ADGRL3: variants seen among roughly 807,000 people sequenced by gnomAD.
ADGRL3 encodes calcium-independent alpha-latrotoxin receptor 3.
In ADGRL3, 62 loss-of-function variants were observed where a neutral mutation model predicts 153.5. The observed-to-expected ratio is 0.40, with a 90% CI of 0.33 to 0.50. ADGRL3 has a LOEUF of 0.50. Among genes scored for constraint, ADGRL3 ranks in the 20% least tolerant of loss-of-function variants. The probability of loss-of-function intolerance (pLI) is 0.47; values close to 1 mark genes in which losing one functional copy is unlikely to be tolerated. For missense variants in ADGRL3, 1,641 were observed against 1,859.4 expected (o/e 0.88, Z 2.16); for synonymous variants, 710 against 672.5 (o/e 1.06, Z -0.86).
chr4:61,451,941 G>A (rs942967926), intron 2 of ADGRL3, among the ~76,000 whole-genome samples: 4 of 152,156 alleles, frequency 2.6e-5, no homozygotes, highest in African/African-American at 9.7e-5. Flanking sequence ...CATTTGTTAT[G>A]TATTGAACTT....
intron 2 of ADGRL3, among the ~76,000 whole-genome samples, chr4:61,437,016 T>G (rs2152445625): frequency 6.6e-6 from 1 of 152,304 alleles, no homozygotes; most frequent in East Asian, 1.9e-4. Flanking sequence ...AACTTTATTT[T>G]TATAATGCAT....
intron 2 of ADGRL3, among the ~76,000 whole-genome samples, chr4:61,384,598 A>G (rs2096714218): frequency 6.6e-6 from 1 of 151,974 alleles, no homozygotes; most frequent in African/African-American, 2.4e-5. Flanking sequence ...GGTTTCTTCA[A>G]TATAAAATTA....
chr4:61,864,901 G>A (rs1345265302), intron 9 of ADGRL3, among the ~76,000 whole-genome samples: 3 of 152,162 alleles, frequency 2.0e-5, no homozygotes, highest in Non-Finnish European at 4.4e-5. Context: ...AGCATAGAAT[G>A]TAATGTTTCA....
chr4:61,505,966 G>C (rs893362620), intron 3 of ADGRL3, among the ~76,000 whole-genome samples: 3 of 152,052 alleles, frequency 2.0e-5, no homozygotes, highest in African/African-American at 7.2e-5. Context: ...CCATATTTAG[G>C]AAGCATTGCT....
intron 2 of ADGRL3, among the ~76,000 whole-genome samples, chr4:61,430,330 G>T (rs550129045): frequency 6.6e-6 from 1 of 152,242 alleles, no homozygotes; most frequent in African/African-American, 2.4e-5. Flanking sequence ...TCATTCAGAA[G>T]GACACATTGA....
chr4:61,708,685 A>G (rs1263479268), intron 6 of ADGRL3, among the ~76,000 whole-genome samples: 1 of 152,172 alleles, frequency 6.6e-6, no homozygotes, highest in Non-Finnish European at 1.5e-5. Flanking sequence ...AACAATAAAA[A>G]ATTCAAAGAA....
chr4:61,667,118 G>A (rs1012739610), intron 5 of ADGRL3, among the ~76,000 whole-genome samples: 1 of 152,038 alleles, frequency 6.6e-6, no homozygotes, highest in Non-Finnish European at 1.5e-5. Context: ...TTTTTGGAAT[G>A]GGCTCTGTGA....
At chr4:61,940,044 A>G (rs2098876910) in intron 15 of ADGRL3, among the ~76,000 whole-genome samples, 1 of 135,340 alleles carries the variant, frequency 7.4e-6, no homozygotes, top group South Asian at 2.7e-4. Context: ...TGTGTCATCT[A>G]GCATTAGGTA....
At chr4:61,529,546 A>C (rs1409144232) in intron 4 of ADGRL3, among the ~76,000 whole-genome samples, 2 of 152,124 alleles carry the variant, frequency 1.3e-5, no homozygotes, top group Non-Finnish European at 2.9e-5. Flanking sequence ...CTACTTACAA[A>C]ACTATGTAAA....
chr4:61,236,986 G>A lies in ADGRL3; in HGVS notation c.-240+35221G>A, dbSNP rs186984199. 2.6e-4 allele frequency among the ~76,000 whole-genome samples: 39 copies of A among 152,062 alleles called. 1 individual carries two copies. The East Asian group carries it at 5.2e-3, about 20-fold the overall frequency. ...TCTTTTGCTCTGCATATGAATTCAC[G>A]TATAATGTTTACTCATTTATTTTTC... On this transcript the variant is annotated intron_variant, in intron 1 of 26. Transcript: ENST00000683033.
chr4:61,812,301 AC>A (rs1403985462), intron 8 of ADGRL3, among the ~76,000 whole-genome samples: 3 of 152,220 alleles, frequency 2.0e-5, no homozygotes, highest in African/African-American at 7.2e-5. Context: ...CAGTCTCTCC[AC>A]TGTCTCTGCT....
chr4:61,886,339 GT>G (rs1049287759), intron 9 of ADGRL3, among the ~76,000 whole-genome samples: 5 of 152,118 alleles, frequency 3.3e-5, no homozygotes, highest in Non-Finnish European at 7.4e-5. Context: ...TATGGTTTCA[GT>G]TTTCTTATTT....
intron 2 of ADGRL3, among the ~76,000 whole-genome samples, chr4:61,445,517 G>A (rs991586): frequency 0.93 from 141,803 of 152,216 alleles, 66,900 homozygotes; most frequent in East Asian, 1. Context: ...CCTTGAGAGA[G>A]ATAGTGTTGA....
intron 19 of ADGRL3, among the ~76,000 whole-genome samples, chr4:61,991,497 A>G (rs2099103486): frequency 6.6e-6 from 1 of 152,132 alleles, no homozygotes; most frequent in Non-Finnish European, 1.5e-5. Context: ...TTTAAAAAAT[A>G]TAACATGTTG....
chr4:61,319,129 A>G (rs1028453197), intron 1 of ADGRL3, among the ~76,000 whole-genome samples: 2 of 152,178 alleles, frequency 1.3e-5, no homozygotes, highest in African/African-American at 4.8e-5. Flanking sequence ...TGTACACTGA[A>G]ATAGTGCCTT....
At chr4:61,641,926 C>T (rs1580019021) in intron 5 of ADGRL3, among the ~76,000 whole-genome samples, 2 of 148,100 alleles carry the variant, frequency 1.4e-5, no homozygotes. Context: ...GTTCCTGTTT[C>T]TCCACATCCT....
rs1745213460 is a variant in ADGRL3 at position 62,070,366 on chromosome 4, G to A, written c.4090G>A (p.Val1364Met). The A allele has an allele frequency of 6.4e-7, 1 of 1,552,190 alleles. No homozygotes were observed. Among genetic ancestry groups the A allele is most frequent in the Middle Eastern group, 1.7e-4 (1 of 5,996 alleles). ...EQNRNLMNKLVNNLGSGREDD... is the reference protein window; with the variant it reads ...EQNRNLMNKLMNNLGSGREDD... Reference sequence around the variant, plus strand: ...GAACAGGAATCTGATGAACAAGCTGGTGAATAACCTTGGCAGTGGAAGGGA... The same window carrying A: ...GAACAGGAATCTGATGAACAAGCTGATGAATAACCTTGGCAGTGGAAGGGA... The change falls in exon 27 of 27, where the codon GTG becomes ATG. Residue 1364 changes from valine to methionine, a missense_variant. Physicochemically the swap from Val to Met is conservative, Grantham distance 21. Around this residue, in one of 5 missense-constraint regions of ADGRL3, gnomAD observed 517 missense variants for 555.0 expected, o/e 0.93. Coordinates refer to ENST00000683033, the MANE Select transcript of ADGRL3 (RefSeq NM_001387552.1).
At chr4:61,395,720 A>G (rs1459104491) in intron 2 of ADGRL3, among the ~76,000 whole-genome samples, 37 of 151,976 alleles carry the variant, frequency 2.4e-4, no homozygotes, top group Non-Finnish European at 2.9e-5. Context: ...GCCAATTATA[A>G]CCCATTTGAA....
chr4:61,691,277 T>C (rs936400693), intron 6 of ADGRL3, among the ~76,000 whole-genome samples: 1 of 152,210 alleles, frequency 6.6e-6, no homozygotes, highest in East Asian at 1.9e-4. Flanking sequence ...AAATACCTTA[T>C]CTTTATCCTC....
Sources: gnomAD v4.1 joint callset for allele counts (sites outside exome capture counted in the v4.1 genomes callset) on GRCh38, gnomAD v4.1.1 for gene constraint, gnomAD v4.1.1 regional missense constraint, MANE v1.5 for transcripts, NCBI Gene and HGNC (gene_info 2026-07-23, HGNC 2026-07-21) for gene names.